The following SF3A3 variants were observed in gnomAD, a reference collection of about 807,000 sequenced individuals.
SF3A3 encodes the protein splicing factor 3a subunit 3.
In SF3A3, 9 loss-of-function variants were observed where a neutral mutation model predicts 85.8. The ratio of observed to expected loss-of-function variants is 0.10; its 90% CI spans 0.06 to 0.18. The LOEUF (loss-of-function observed/expected upper bound fraction) is 0.18. Among genes scored for constraint, SF3A3 ranks in the 10% least tolerant of loss-of-function variants. SF3A3 has a pLI of 1.00. For synonymous variants in SF3A3, 195 were observed against 204.4 expected, an observed-to-expected ratio of 0.95 and a Z score of 0.39; for missense variants, 306 against 593.3, an observed-to-expected ratio of 0.52 and a Z score of 5.03.
chr1:37,976,738 T>G (rs1240322525), intron 12 of SF3A3, 146 bp downstream of exon 12: 2 of 636,008 alleles, frequency 3.1e-6, no homozygotes, highest in East Asian at 5.4e-5. Flanking sequence ...AAGAGCCTTG[T>G]ACCCTGACCT....
chr1:37,968,199 C>T (rs1399679386), intron 14 of SF3A3, 65 bp from the exon 15 acceptor site: 2 of 920,030 alleles, frequency 2.2e-6, no homozygotes, highest in Non-Finnish European at 3.6e-6. Context: ...AGCACTAACT[C>T]CATTCTACTC....
In SF3A3 at chr1:37,969,215, G is replaced by A. The variant is rs182008625; in HGVS notation, c.1281+139C>T. 439 of 645,594 alleles carry A rather than the reference G, an allele frequency of 6.8e-4. 3 individuals are homozygous for A. In the East Asian group the frequency reaches 0.01, roughly 15 times the overall value. The allele number at this position is 645,594 out of a possible 1,614,324, so 40.0% of individuals were successfully genotyped here. A position where few individuals can be genotyped will look rare whatever the true frequency, so the allele number is the denominator to read the frequency against. ...TGGTGCCAAAAGTCAAATGCCATGG[G>A]CTTGATTTTAAAACCATCCTTCTCT... On this transcript the variant is annotated intron_variant, in intron 14 of 16. Coordinates refer to ENST00000373019, the MANE Select transcript of SF3A3 (RefSeq NM_006802.4).
In SF3A3 at chr1:37,981,790, G is replaced by C. The variant is rs151085174; in HGVS notation, c.490C>G (p.Leu164Val). 1.3e-6 allele frequency: 2 copies of C among 1,591,058 alleles called. No homozygotes were observed. The highest frequency in any genetic ancestry group is 1.7e-6 in the Non-Finnish European group (2 of 1,161,710). The change falls in exon 7 of 17, where the codon CTG becomes GTG. Residue 164 changes from leucine (L) to valine (V), a missense_variant. Leu to Val is a conservative substitution (Grantham distance 32). Transcript: ENST00000373019. The stretch of plus-strand genomic sequence containing the variant: ...TCAAATAATTGGTCAAAGATGGACA[G>C]GTATGTGATATAATCCAGCTTCTGA... ...ASEKLDYITY[L>V]SIFDQLFDIP...
At chr1:37,967,884 A>C (rs1646314027) in intron 15 of SF3A3, among the ~76,000 whole-genome samples, 160 bp downstream of exon 15, 1 of 151,938 alleles carries the variant, frequency 6.6e-6, no homozygotes, top group Non-Finnish European at 1.5e-5. Context: ...AAAAAACACA[A>C]AACAAAAAAC....
intron 12 of SF3A3, among the ~76,000 whole-genome samples, chr1:37,975,443 G>A (rs1251684673): frequency 1.3e-5 from 2 of 152,012 alleles, no homozygotes; most frequent in East Asian, 3.9e-4. Context: ...TTGAACCCAG[G>A]AGGCGGAGGT....
intron 15 of SF3A3, among the ~76,000 whole-genome samples, chr1:37,962,603 C>CAAAAAAAA (rs10562404): frequency 1.2e-5 from 1 of 80,254 alleles, no homozygotes; most frequent in Non-Finnish European, 2.2e-5. Flanking sequence ...AACTCCATCT[C>CAAAAAAAA]AAAAAAAAAA....
chr1:37,989,763 C>G, intron 1 of SF3A3, 107 bp downstream of exon 1: 1 of 1,223,622 alleles, frequency 8.2e-7, no homozygotes, highest in Admixed American at 1.9e-5. Flanking sequence ...GGAGAGGGAG[C>G]CCGGAGGAAG....
Position 37,989,860 on chromosome 1 carries a change from C to A in SF3A3, c.96+10G>T, listed in dbSNP as rs1646483655. 6.3e-7 allele frequency: 1 copy of A among 1,599,926 alleles called. No individual in the cohort carries two copies. Among genetic ancestry groups the A allele is most frequent in the Non-Finnish European group, 8.6e-7 (1 of 1,167,622 alleles). ...GCTCCTGCCGCAGCCTCTGCTCAGG[C>A]CCCACTCACCGTGGACTTCTTGGTG... On this transcript the variant is annotated intron_variant, in intron 1 of 16. Coordinates refer to ENST00000373019, the MANE Select transcript of SF3A3 (RefSeq NM_006802.4).
At chr1:37,985,209 A>G (rs1179483625) in intron 4 of SF3A3, among the ~76,000 whole-genome samples, 2 of 152,154 alleles carry the variant, frequency 1.3e-5, no homozygotes, top group Non-Finnish European at 2.9e-5. Flanking sequence ...TTCACTAGGA[A>G]ATCTACTACT....
chr1:37,989,723 C>G lies in SF3A3; in HGVS notation c.97-128G>C, dbSNP rs904717609. On this transcript the variant is annotated intron_variant, in intron 1 of 16. Coordinates refer to ENST00000373019, the MANE Select transcript of SF3A3 (RefSeq NM_006802.4). ...CAGAAAGGCCTCTGGGGCTCCGGAC[C>G]CCGGGAGGAGGTTACCAAGACCGGA... 2.4e-6 allele frequency: 3 copies of G among 1,260,892 alleles called. No individual in the cohort carries two copies. The African/African-American group carries it at 4.5e-5, about 19-fold the overall frequency. The allele number at this position is 1,260,892 out of a possible 1,614,324, so 78.1% of individuals were successfully genotyped here.
intron 16 of SF3A3, among the ~76,000 whole-genome samples, chr1:37,958,570 C>A (rs55654701): frequency 0.047 from 7,193 of 152,224 alleles, 227 homozygotes; most frequent in Admixed American, 0.077. Flanking sequence ...AGATGGGGAA[C>A]CCTGGTTGAG....
rs900596842 is a variant in SF3A3, at chr1:37,963,562, CT to C, written c.1373-3388del. Among the ~76,000 whole-genome samples, 167 of 144,390 alleles carry C rather than the reference CT, an allele frequency of 1.2e-3. 1 individual carries two copies. The highest frequency in any genetic ancestry group is 1.6e-3 in the Admixed American group (23 of 14,422). The allele number at this position is 144,390 out of a possible 152,430, so 94.7% of individuals were successfully genotyped here. A position where few individuals can be genotyped will look rare whatever the true frequency, so the allele number is the denominator to read the frequency against. On this transcript the variant is annotated intron_variant, in intron 15 of 16. Transcript: ENST00000373019. ...AATCATGAAACTGCCAATGATAATT[CT>C]TTTTTTTTTTTGAGACAGAGTCTCA...
chr1:37,976,896 T>C lies in SF3A3; in HGVS notation c.993A>G (p.Val331=), dbSNP rs760004437. ...AFLEAQIYEY[V]EILGEQRHLT... is the part of the protein sequence containing the mutation. ...GTCAGTCACTTACCCCGAGAATCTC[T>C]ACATATTCATAGATCTGGGCTTCTA... The change falls in exon 12 of 17, where the codon GTA becomes GTG. Residue 331 remains valine, a synonymous_variant. Transcript: ENST00000373019. 7 of 1,597,632 alleles carry C rather than the reference T, an allele frequency of 4.4e-6. No homozygotes were observed. Among genetic ancestry groups the C allele is most frequent in the African/African-American group, 2.7e-5 (2 of 74,564 alleles).
In SF3A3 at chr1:37,989,906, G is replaced by T; in HGVS notation, c.60C>A (p.Asp20Glu). The T allele has an allele frequency of 6.2e-7, 1 of 1,613,682 alleles. No individual in the cohort carries two copies. Among genetic ancestry groups the T allele is most frequent in the Non-Finnish European group, 8.5e-7 (1 of 1,179,868 alleles). The change falls in exon 1 of 17, where the codon GAC becomes GAA. Residue 20 changes from aspartate to glutamate, a missense_variant. Asp to Glu is a conservative substitution (Grantham distance 45, BLOSUM62 2). Around this residue, in one of 4 missense-constraint regions of SF3A3, gnomAD observed 152 missense variants for 192.0 expected, o/e 0.79. Coordinates refer to ENST00000373019, the MANE Select transcript of SF3A3 (RefSeq NM_006802.4). Reference protein sequence around the residue: ...RYHEEKERLMDVMAKEMLTKK... With the variant: ...RYHEEKERLMEVMAKEMLTKK... ...TGGTGAGCATCTCTTTAGCCATGAC[G>T]TCCATGAGCCGTTCCTTCTCCTCAT...
chr1:37,958,079 A>G lies in SF3A3; in HGVS notation c.*107T>C. 1.3e-6 allele frequency: 1 copy of G among 760,066 alleles called. No individual in the cohort carries two copies. Among genetic ancestry groups the G allele is most frequent in the Non-Finnish European group, 2.4e-6 (1 of 421,200 alleles). 47.1% of individuals were successfully genotyped at this position (760,066 alleles called of 1,614,324 possible). The stretch of plus-strand genomic sequence containing the variant: ...TCTACAAGATGCATGCTAGACCATG[A>G]GACTACATAGCAAAGGGTCTTTAAG... On this transcript the variant is annotated 3_prime_UTR_variant, in exon 17 of 17. Coordinates refer to ENST00000373019, the MANE Select transcript of SF3A3 (RefSeq NM_006802.4).
At chr1:37,958,842 G>A (rs912920279) in intron 16 of SF3A3, among the ~76,000 whole-genome samples, 1 of 152,198 alleles carries the variant, frequency 6.6e-6, no homozygotes, top group Non-Finnish European at 1.5e-5. Flanking sequence ...GACTTGGAGT[G>A]AGTCAGTACC....
At chr1:37,962,390 G>C (rs1374732051) in intron 15 of SF3A3, among the ~76,000 whole-genome samples, 2 of 150,096 alleles carry the variant, frequency 1.3e-5, no homozygotes, top group African/African-American at 4.9e-5. Flanking sequence ...GATCACCTGA[G>C]GTTGGGAGTT....
chr1:37,982,393 G>A (rs1268263616), intron 6 of SF3A3, among the ~76,000 whole-genome samples: 2 of 149,664 alleles, frequency 1.3e-5, no homozygotes, highest in South Asian at 2.1e-4. Context: ...TTTTTGAGAC[G>A]GAGTTTGGCT....
At chr1:37,971,350 T>G (rs920931956) in intron 12 of SF3A3, among the ~76,000 whole-genome samples, 1 of 152,106 alleles carries the variant, frequency 6.6e-6, no homozygotes, top group Non-Finnish European at 1.5e-5. Flanking sequence ...GTTCTGAAAC[T>G]GAGGCAATAA....
Sources: allele counts gnomAD v4.1 joint callset (sites outside exome capture counted in the v4.1 genomes callset), GRCh38; gene constraint gnomAD v4.1.1; regional missense constraint gnomAD v4.1.1; transcripts MANE v1.5; gene names NCBI Gene and HGNC (gene_info 2026-07-23, HGNC 2026-07-21).